The following HS3ST5 variants were observed in gnomAD, a reference collection of about 807,000 sequenced individuals.
HS3ST5 encodes the protein heparan sulfate-glucosamine 3-sulfotransferase 5.
HS3ST5 carries 10 observed loss-of-function variants against 25.4 expected under a neutral mutation model. The ratio of observed to expected loss-of-function variants is 0.39; its 90% CI spans 0.24 to 0.67. The LOEUF (loss-of-function observed/expected upper bound fraction) is 0.67. Among genes scored for constraint, HS3ST5 ranks in the 30% least tolerant of loss-of-function variants. HS3ST5 has a pLI of 0.44. For synonymous variants in HS3ST5, 170 were observed against 162.4 expected (o/e 1.05, Z -0.36); for missense variants, 324 against 420.7 (o/e 0.77, Z 2.01).
At chr6:114,160,227 C>T (rs992175613) in intron 3 of HS3ST5, among the ~76,000 whole-genome samples, 29 of 149,788 alleles carry the variant, frequency 1.9e-4, no homozygotes, top group Non-Finnish European at 4.0e-4. Flanking sequence ...TACTTCTTAT[C>T]AATCTTTGTT....
chr6:114,248,306 T>G (rs1421149360), intron 1 of HS3ST5, among the ~76,000 whole-genome samples: 1 of 150,766 alleles, frequency 6.6e-6, no homozygotes, highest in African/African-American at 2.4e-5. Flanking sequence ...GAACTAGATC[T>G]ATAGTAATTA....
intron 3 of HS3ST5, among the ~76,000 whole-genome samples, chr6:114,112,691 C>T (rs570645112): frequency 6.6e-6 from 1 of 152,154 alleles, no homozygotes; most frequent in Non-Finnish European, 1.5e-5. Flanking sequence ...CTTGACTTTT[C>T]CAGACTATCT....
chr6:114,294,839 G>A (rs1358133534), intron 1 of HS3ST5, among the ~76,000 whole-genome samples: 4 of 152,096 alleles, frequency 2.6e-5, no homozygotes, highest in Non-Finnish European at 5.9e-5. Context: ...AAGTTTTTTG[G>A]AAATCCTTAC....
At chr6:114,328,552 A>T (rs559535292) in intron 1 of HS3ST5, among the ~76,000 whole-genome samples, 3 of 152,336 alleles carry the variant, frequency 2.0e-5, no homozygotes, top group African/African-American at 7.2e-5. Context: ...CTTTTTGTAA[A>T]ACCATAGACA....
rs186812429 is a variant in HS3ST5, at chr6:114,121,129, C to T, written c.-33+47222G>A. 2.2e-4 allele frequency among the ~76,000 whole-genome samples: 33 copies of T among 152,332 alleles called. No homozygotes were observed. The East Asian group carries it at 6.4e-3, about 29-fold the overall frequency. On this transcript the variant is annotated intron_variant, in intron 3 of 4. Coordinates refer to ENST00000312719, the MANE Select transcript of HS3ST5 (RefSeq NM_153612.4). ...TCTAATGTACCTCAGGCTTATAAAT[C>T]GGAATCCAGTCACTTTAAATTAAGT...
chr6:114,231,061 C>A (rs1481952029), intron 1 of HS3ST5, among the ~76,000 whole-genome samples: 1 of 152,012 alleles, frequency 6.6e-6, no homozygotes, highest in Non-Finnish European at 1.5e-5. Flanking sequence ...TGGGAGGTGA[C>A]TGGATCATGG....
chr6:114,263,247 G>A (rs947345587), intron 1 of HS3ST5, among the ~76,000 whole-genome samples: 1 of 151,892 alleles, frequency 6.6e-6, no homozygotes, highest in South Asian at 2.1e-4. Flanking sequence ...ATATTTTTAA[G>A]TAAAATGTTT....
At chr6:114,137,931 C>T (rs1360304595) in intron 3 of HS3ST5, among the ~76,000 whole-genome samples, 1 of 152,034 alleles carries the variant, frequency 6.6e-6, no homozygotes, top group South Asian at 2.1e-4. Flanking sequence ...AATAGATCCA[C>T]TTATAAGTAT....
At chr6:114,146,394 C>T (rs948916075) in intron 3 of HS3ST5, among the ~76,000 whole-genome samples, 1 of 152,176 alleles carries the variant, frequency 6.6e-6, no homozygotes, top group African/African-American at 2.4e-5. Flanking sequence ...CCATAAAGTC[C>T]TGTGATTGTT....
At chr6:114,312,347 G>T (rs777200269) in intron 1 of HS3ST5, among the ~76,000 whole-genome samples, 2 of 152,018 alleles carry the variant, frequency 1.3e-5, no homozygotes, top group Admixed American at 6.6e-5. Flanking sequence ...AAAACCATTG[G>T]CTTATACCTC....
At chr6:114,110,162 T>G (rs1048013411) in intron 3 of HS3ST5, among the ~76,000 whole-genome samples, 13 of 152,126 alleles carry the variant, frequency 8.5e-5, no homozygotes, top group Admixed American at 5.9e-4. Context: ...TATTAGAGAA[T>G]TGGTTTGATT....
intron 1 of HS3ST5, among the ~76,000 whole-genome samples, chr6:114,289,338 G>A (rs555459615): frequency 2.0e-5 from 3 of 151,950 alleles, no homozygotes; most frequent in Admixed American, 6.6e-5. Flanking sequence ...AATCAGCAAC[G>A]TGTACAGTTG....
intron 3 of HS3ST5, among the ~76,000 whole-genome samples, chr6:114,140,437 T>C (rs1017851354): frequency 6.6e-6 from 1 of 152,210 alleles, no homozygotes; most frequent in Admixed American, 6.5e-5. Flanking sequence ...CTGGCCAAAA[T>C]CACGAAGATG....
At chr6:114,204,887 T>G (rs1005292663) in intron 2 of HS3ST5, among the ~76,000 whole-genome samples, 1 of 152,138 alleles carries the variant, frequency 6.6e-6, no homozygotes, top group African/African-American at 2.4e-5. Context: ...ACAAATAGTT[T>G]GGGACCAAAT....
chr6:114,057,935 T>C lies in HS3ST5; in HGVS notation c.363A>G (p.Gln121=), dbSNP rs1772864001. The change falls in exon 5 of 5, where the codon CAA becomes CAG. Residue 121 remains glutamine, a synonymous_variant. Coordinates refer to ENST00000312719, the MANE Select transcript of HS3ST5 (RefSeq NM_153612.4). ...CATCATTATCAAAAAAGTGGATTTC[T>C]TGAGAGGCTTTGACTACTGCCGGAT... ...NLHPAVVKAS[Q]EIHFFDNDEN... 1 of 1,614,092 alleles carries C rather than the reference T, an allele frequency of 6.2e-7. No homozygotes were observed. The highest frequency in any genetic ancestry group is 1.3e-5 in the African/African-American group (1 of 74,924).
At chr6:114,233,291 C>G (rs1000332747) in intron 1 of HS3ST5, among the ~76,000 whole-genome samples, 1 of 152,014 alleles carries the variant, frequency 6.6e-6, no homozygotes. Flanking sequence ...TAATAGAATG[C>G]CATGCAAATA....
At chr6:114,235,674 T>G (rs1771823961) in intron 1 of HS3ST5, 1 of 152,046 alleles carries the variant, frequency 6.6e-6, no homozygotes, top group East Asian at 1.9e-4. Context: ...AATCCTAGAG[T>G]CTTTGGAACG....
chr6:114,132,611 G>A (rs1777392324), intron 3 of HS3ST5, among the ~76,000 whole-genome samples: 1 of 152,194 alleles, frequency 6.6e-6, no homozygotes, highest in South Asian at 2.1e-4. Context: ...CTGAAGTGAT[G>A]GAGATTGCCT....
intron 4 of HS3ST5, chr6:114,059,204 T>G (rs1184597012): frequency 6.6e-6 from 1 of 152,230 alleles, no homozygotes; most frequent in Non-Finnish European, 1.5e-5. Context: ...AGTTTCCTTT[T>G]AGGTATAGTC....
Sources: allele counts gnomAD v4.1 joint callset (sites outside exome capture counted in the v4.1 genomes callset), GRCh38; gene constraint gnomAD v4.1.1; transcripts MANE v1.5; gene names NCBI Gene and HGNC (gene_info 2026-07-23, HGNC 2026-07-21).